Variants in GPC5 observed in about 807,000 individuals in gnomAD.
GPC5 encodes the protein glypican 5, also known as glypican-5.
A neutral mutation model predicts 53.9 loss-of-function variants in GPC5; 47 were observed. The ratio of observed to expected loss-of-function variants is 0.87; its 90% confidence interval spans 0.69 to 1.11. GPC5 has a LOEUF of 1.11. Ranked by LOEUF, GPC5 falls within the 50% of genes most tolerant of loss-of-function variation. The pLI is 0.00. For synonymous variants in GPC5, 286 were observed against 263.3 expected (o/e 1.09, Z -0.84); for missense variants, 748 against 713.1 (o/e 1.05, Z -0.56).
At chr13:91,457,786 G>A (rs1022055065) in intron 2 of GPC5, among the ~76,000 whole-genome samples, 2 of 152,038 alleles carry the variant, frequency 1.3e-5, no homozygotes, top group Non-Finnish European at 2.9e-5. Flanking sequence ...ACAAGTAGAG[G>A]AGCACTGACA....
At chr13:92,207,670 C>G (rs1027091574) in intron 7 of GPC5, among the ~76,000 whole-genome samples, 4 of 152,196 alleles carry the variant, frequency 2.6e-5, no homozygotes, top group Admixed American at 2.6e-4. Flanking sequence ...TTCATCTTCT[C>G]TTATTTTAGA....
intron 7 of GPC5, among the ~76,000 whole-genome samples, chr13:92,610,475 C>T (rs571081795): frequency 1.3e-5 from 2 of 152,212 alleles, no homozygotes; most frequent in South Asian, 2.1e-4. Flanking sequence ...CATATAGTAC[C>T]TCAATTTCTT....
chr13:92,263,571 T>C (rs2042781007), intron 7 of GPC5, among the ~76,000 whole-genome samples: 1 of 152,180 alleles, frequency 6.6e-6, no homozygotes, highest in South Asian at 2.1e-4. Context: ...GGAAGTATAG[T>C]ATAATATATA....
At chr13:92,408,987 C>A (rs1483243783) in intron 7 of GPC5, among the ~76,000 whole-genome samples, 1 of 151,830 alleles carries the variant, frequency 6.6e-6, no homozygotes, top group Non-Finnish European at 1.5e-5. Flanking sequence ...AATTTACTAT[C>A]GAAGGTTTGT....
chr13:91,934,971 T>G (rs1461058656), intron 6 of GPC5, among the ~76,000 whole-genome samples: 1 of 151,920 alleles, frequency 6.6e-6, no homozygotes, highest in African/African-American at 2.4e-5. Flanking sequence ...AAATAAAAAT[T>G]TACACAGGGT....
At chr13:91,988,240 A>G (rs1017199512) in intron 6 of GPC5, among the ~76,000 whole-genome samples, 1 of 152,028 alleles carries the variant, frequency 6.6e-6, no homozygotes, top group Admixed American at 6.6e-5. Flanking sequence ...CAGGTTTTCT[A>G]CACATGAAAT....
chr13:92,524,883 A>G (rs1389136591), intron 7 of GPC5, among the ~76,000 whole-genome samples: 1 of 152,168 alleles, frequency 6.6e-6, no homozygotes, highest in African/African-American at 2.4e-5. Context: ...ATTCAACACA[A>G]GATATGGAGA....
intron 2 of GPC5, among the ~76,000 whole-genome samples, chr13:91,545,328 T>C (rs1348892737): frequency 6.6e-6 from 1 of 152,228 alleles, no homozygotes; most frequent in East Asian, 1.9e-4. Context: ...CTAAATTCAA[T>C]GTAATGCTTT....
chr13:91,752,017 G>GT (rs2037188256), intron 4 of GPC5, among the ~76,000 whole-genome samples: 1 of 152,190 alleles, frequency 6.6e-6, no homozygotes, highest in Non-Finnish European at 1.5e-5. Context: ...AGATAAAGGT[G>GT]TTGGCAGGTT....
At chr13:91,435,672 G>T (rs1006396682) in intron 1 of GPC5, among the ~76,000 whole-genome samples, 11 of 152,268 alleles carry the variant, frequency 7.2e-5, no homozygotes, top group Non-Finnish European at 1.3e-4. Context: ...TCTCTGCCAA[G>T]CTTTGGTATC....
chr13:91,912,907 A>C (rs1328591517), intron 6 of GPC5, among the ~76,000 whole-genome samples: 1 of 152,172 alleles, frequency 6.6e-6, no homozygotes, highest in Admixed American at 6.6e-5. Flanking sequence ...TAAAGCTAAC[A>C]AGAAGTGTCA....
intron 7 of GPC5, among the ~76,000 whole-genome samples, chr13:92,660,438 C>T (rs1258172170): frequency 6.6e-6 from 1 of 151,584 alleles, no homozygotes; most frequent in Non-Finnish European, 1.5e-5. Context: ...TATATATAAA[C>T]ATATACACAC....
intron 7 of GPC5, among the ~76,000 whole-genome samples, chr13:92,375,672 C>T (rs9523647): frequency 0.53 from 80,868 of 151,906 alleles, 21,739 homozygotes; most frequent in East Asian, 0.55. Flanking sequence ...CTGAAATCTA[C>T]AGGGCAGGCT....
At chr13:91,631,888 G>A (rs945835720) in intron 2 of GPC5, among the ~76,000 whole-genome samples, 1 of 152,130 alleles carries the variant, frequency 6.6e-6, no homozygotes, top group Non-Finnish European at 1.5e-5. Flanking sequence ...GAACCACCTG[G>A]AGAGATAGGA....
At chr13:92,545,491 C>G (rs1197658353) in intron 7 of GPC5, among the ~76,000 whole-genome samples, 2 of 152,158 alleles carry the variant, frequency 1.3e-5, no homozygotes, top group African/African-American at 2.4e-5. Context: ...TGAGGAATCA[C>G]CACACTGACT....
chr13:91,587,020 G>C (rs7324772), intron 2 of GPC5, among the ~76,000 whole-genome samples: 75,970 of 151,904 alleles, frequency 0.5, 21,986 homozygotes, highest in African/African-American at 0.81. Context: ...ATAGAGAAGT[G>C]AAAAGCAACT....
chr13:92,046,332 G>A (rs2040981976), intron 6 of GPC5, among the ~76,000 whole-genome samples: 1 of 152,254 alleles, frequency 6.6e-6, no homozygotes, highest in Admixed American at 6.5e-5. Flanking sequence ...TGAAATGAAT[G>A]TCATCTTGTT....
intron 7 of GPC5, among the ~76,000 whole-genome samples, chr13:92,619,226 A>C (rs1246624589): frequency 6.6e-6 from 1 of 152,012 alleles, no homozygotes; most frequent in Non-Finnish European, 1.5e-5. Context: ...TAACAAATTA[A>C]TAATCACTAA....
chr13:92,367,031 A>G (rs1439379323), intron 7 of GPC5, among the ~76,000 whole-genome samples: 4 of 152,200 alleles, frequency 2.6e-5, no homozygotes, highest in Admixed American at 2.0e-4. Context: ...CTTATTTTAT[A>G]CCTATTTCAG....
Sources: gnomAD v4.1 joint callset for allele counts (sites outside exome capture counted in the v4.1 genomes callset) on GRCh38, gnomAD v4.1.1 for gene constraint, MANE v1.5 for transcripts, NCBI Gene and HGNC (gene_info 2026-07-23, HGNC 2026-07-21) for gene names.